EPB41L3: variants seen among roughly 807,000 people sequenced by gnomAD.
EPB41L3 encodes erythrocyte membrane protein band 4.1 like 3, also known as band 4.1-like protein 3.
Under a neutral mutation model 127.1 loss-of-function variants are expected in EPB41L3, and 57 were observed. That is an observed-to-expected ratio of 0.45 (90% CI 0.36 to 0.56). The LOEUF (loss-of-function observed/expected upper bound fraction) is 0.56. EPB41L3 is among the 20% of genes least tolerant of loss of function. The pLI is 0.00. For missense variants in EPB41L3, 1,273 were observed against 1,372.2 expected, an observed-to-expected ratio of 0.93 and a Z score of 1.14; for synonymous variants, 572 against 549.5, an observed-to-expected ratio of 1.04 and a Z score of -0.57.
chr18:5,424,016 T>A (rs1337708304), intron 10 of EPB41L3, among the ~76,000 whole-genome samples: 1 of 152,062 alleles, frequency 6.6e-6, no homozygotes, highest in Admixed American at 6.5e-5. Flanking sequence ...ACCCTAAAAA[T>A]AATGTAAACA....
At chr18:5,394,626 C>T (rs2143571005) in intron 22 of EPB41L3, 51 bp downstream of exon 22, 2 of 1,400,296 alleles carry the variant, frequency 1.4e-6, no homozygotes, top group Non-Finnish European at 1.0e-6. Flanking sequence ...GGAAGTGCCC[C>T]ATGCCTCATG....
At chr18:5,514,766 T>C (rs1466234170) in intron 1 of EPB41L3, among the ~76,000 whole-genome samples, 1 of 152,192 alleles carries the variant, frequency 6.6e-6, no homozygotes, top group Non-Finnish European at 1.5e-5. Context: ...GAAATGTTTC[T>C]CACTCCATAT....
chr18:5,449,245 C>T (rs2081953515), intron 3 of EPB41L3, among the ~76,000 whole-genome samples: 1 of 151,532 alleles, frequency 6.6e-6, no homozygotes, highest in African/African-American at 2.4e-5. Context: ...CCAAATCAAA[C>T]ATCATTAGAG....
At chr18:5,533,237 A>T (rs1456586047) in intron 1 of EPB41L3, among the ~76,000 whole-genome samples, 2 of 152,158 alleles carry the variant, frequency 1.3e-5, no homozygotes, top group Non-Finnish European at 2.9e-5. Context: ...GCTGTCAGAA[A>T]AGCTTAAGAC....
chr18:5,433,000 G>C (rs2079202945), intron 8 of EPB41L3, among the ~76,000 whole-genome samples: 1 of 152,124 alleles, frequency 6.6e-6, no homozygotes, highest in African/African-American at 2.4e-5. Flanking sequence ...CTTGAGTCTT[G>C]GACAATCGGC....
intron 1 of EPB41L3, among the ~76,000 whole-genome samples, chr18:5,517,843 G>T (rs2092813152): frequency 6.6e-6 from 1 of 151,984 alleles, no homozygotes; most frequent in Non-Finnish European, 1.5e-5. Context: ...TCTCCCTTAG[G>T]ATTCCAGCAC....
At chr18:5,436,898 A>G (rs2079923939) in intron 6 of EPB41L3, among the ~76,000 whole-genome samples, 1 of 152,202 alleles carries the variant, frequency 6.6e-6, no homozygotes, top group Non-Finnish European at 1.5e-5. Flanking sequence ...TGTCTGGTGA[A>G]ATTATTTTTA....
chr18:5,486,019 C>A (rs2089687105), intron 2 of EPB41L3, among the ~76,000 whole-genome samples: 1 of 151,968 alleles, frequency 6.6e-6, no homozygotes, highest in Non-Finnish European at 1.5e-5. Context: ...CTACAAAAGA[C>A]CCCGAATAGC....
At position 5,588,403 on chromosome 18, in the gene EPB41L3, G is replaced by A. The variant is rs530647068; in HGVS notation, c.-306+23937C>T. ...TATATTATTATAACACTAAAACAAC[G>A]TTTTAATACACAAACTACATATACT... On this transcript the variant is annotated intron_variant, in intron 3 of 21. Coordinates refer to the EPB41L3 transcript ENST00000545076. 1.1e-4 allele frequency among the ~76,000 whole-genome samples: 17 copies of A among 151,622 alleles called. No homozygotes were observed. The South Asian group carries it at 1.9e-3, about 17-fold the overall frequency.
chr18:5,419,949 TAAAG>T, intron 11 of EPB41L3, 72 bp from the exon 12 acceptor site: 1 of 1,610,344 alleles, frequency 6.2e-7, no homozygotes. Flanking sequence ...CAAATACAAT[TAAAG>T]AAATAAAATC....
intron 16 of EPB41L3, among the ~76,000 whole-genome samples, chr18:5,404,282 C>T (rs2075000128): frequency 1.3e-5 from 2 of 152,186 alleles, no homozygotes; most frequent in Admixed American, 6.5e-5. Context: ...TTCTCTATAT[C>T]TAGTCAAGCT....
At position 5,476,385 on chromosome 18, in the gene EPB41L3, A is replaced by T. The variant is rs191331680; in HGVS notation, c.381+1856T>A. Among the ~76,000 whole-genome samples the T allele has an allele frequency of 2.5e-4, 38 of 152,358 alleles. No individual in the cohort carries two copies. The East Asian group carries it at 5.8e-3, about 23-fold the overall frequency. ...TGCCACTCAGAATGTTCACAGTGAC[A>T]TTAAAAGAAAGGTAAGTAAAAAATA... On this transcript the variant is annotated intron_variant, in intron 3 of 22. Coordinates refer to ENST00000341928, the MANE Select transcript of EPB41L3 (RefSeq NM_012307.5).
At chr18:5,545,873 CTGTGTGTGTGTGTGTGTG>C (rs36213569), upstream of EPB41L3, among the ~76,000 whole-genome samples, 1,927 of 146,970 alleles carry the variant, frequency 0.013, 40 homozygotes, top group African/African-American at 0.043. Flanking sequence ...CTGTATGACT[CTGTGTGTGTGTGTGTGTG>C]TGTGTGTGTG....
Position 5,397,422 on chromosome 18 carries a change from AT to A in EPB41L3, c.2476del (p.Met826TrpfsTer10). 1 of 1,604,482 alleles carries A rather than the reference AT, an allele frequency of 6.2e-7. No individual in the cohort carries two copies. On this transcript the variant is annotated frameshift_variant, in exon 18 of 23. Coordinates refer to ENST00000341928, the MANE Select transcript of EPB41L3 (RefSeq NM_012307.5). LOFTEE classifies it high-confidence loss of function. The surrounding 1 kb of genome is among the most constrained non-coding windows in gnomAD (Gnocchi z 4.1). ...TCCACTGGACTCCGTCTTGGTTTCC[AT>A]TTTCTGCATGGGAAGAGATTGTGGC... is the stretch of plus-strand genomic sequence containing the variant. ...TSTSQSWVQK[M>X]ETKTESSGIE...
chr18:5,495,895 C>A (rs1034822964), intron 1 of EPB41L3, among the ~76,000 whole-genome samples: 2 of 152,120 alleles, frequency 1.3e-5, no homozygotes, highest in Non-Finnish European at 2.9e-5. Context: ...AGAAATGTTG[C>A]GAAGTGAAGA....
intron 3 of EPB41L3, among the ~76,000 whole-genome samples, chr18:5,607,670 C>G (rs1300190693): frequency 6.6e-6 from 1 of 152,144 alleles, no homozygotes; most frequent in Non-Finnish European, 1.5e-5. Context: ...AGGTTACCAT[C>G]CATTCCATTA....
At chr18:5,533,459 C>T (rs1246705220) in intron 1 of EPB41L3, among the ~76,000 whole-genome samples, 1 of 152,122 alleles carries the variant, frequency 6.6e-6, no homozygotes, top group Non-Finnish European at 1.5e-5. Flanking sequence ...GACCATTTAC[C>T]ATTGATATGA....
chr18:5,523,371 CA>C lies in EPB41L3; in HGVS notation c.-12+20541del, dbSNP rs1436288490. ...TAAATTGGGCTTCTGTCAATTGAAACAATAAACCAACACTCCAAATTAGAAA... is the reference window on the plus strand; with the variant it reads ...TAAATTGGGCTTCTGTCAATTGAAACATAAACCAACACTCCAAATTAGAAA... On this transcript the variant is annotated intron_variant, in intron 1 of 22. Transcript: ENST00000341928. Among the ~76,000 whole-genome samples, 3 of 152,132 alleles carry C rather than the reference CA, an allele frequency of 2.0e-5. No homozygotes were observed. The East Asian group carries it at 5.8e-4, about 29-fold the overall frequency.
intron 9 of EPB41L3, among the ~76,000 whole-genome samples, 156 bp downstream of exon 9, chr18:5,428,157 T>C (rs2078479966): frequency 6.6e-6 from 1 of 152,224 alleles, no homozygotes; most frequent in East Asian, 1.9e-4. Context: ...TATTTATTAC[T>C]GTTTATTGGG....
Sources: gnomAD v4.1 joint callset for allele counts (sites outside exome capture counted in the v4.1 genomes callset) on GRCh38, gnomAD v4.1.1 for gene constraint, Gnocchi (gnomAD v3.1) non-coding constraint, MANE v1.5 for transcripts, NCBI Gene and HGNC (gene_info 2026-07-23, HGNC 2026-07-21) for gene names.